The following POLE4 variants were observed in gnomAD, a reference collection of about 807,000 sequenced individuals.
The protein encoded by POLE4 is DNA polymerase epsilon subunit 4.
In POLE4, 15 loss-of-function variants were observed where a neutral mutation model predicts 15.6. That is an observed-to-expected ratio of 0.96 (90% confidence interval 0.64 to 1.48). The LOEUF is 1.48. Ranked by LOEUF, POLE4 falls within the 40% of genes most tolerant of loss-of-function variation. The probability of loss-of-function intolerance (pLI) is 0.00; values close to 1 mark genes in which losing one functional copy is unlikely to be tolerated. For missense variants in POLE4, 205 were observed against 151.9 expected (o/e 1.35, Z -1.84); for synonymous variants, 83 against 63.2 (o/e 1.31, Z -1.49).
intron 1 of POLE4, chr2:74,959,119 G>A (rs1671174236): frequency 3.3e-6 from 2 of 610,138 alleles, no homozygotes; most frequent in Non-Finnish European, 5.9e-6. Context: ...GTATCTCCAG[G>A]GCCTCGTACA....
Position 74,960,110 on chromosome 2 carries a change from G to A in POLE4, c.304G>A (p.Ala102Thr). The A allele has an allele frequency of 6.2e-7, 1 of 1,613,718 alleles. No individual in the cohort carries two copies. The highest frequency in any genetic ancestry group is 8.5e-7 in the Non-Finnish European group (1 of 1,179,654). The change falls in exon 3 of 4, where the codon GCA becomes ACA. Residue 102 changes from alanine to threonine, a missense_variant. Coordinates refer to ENST00000483063, the MANE Select transcript of POLE4 (RefSeq NM_019896.4). ...CTCTTTTCCTTGTGTTTCAGATAAT[G>A]CAATAGAAGCTGTGGATGAATTTGC... ...KTLQRRDLDN[A>T]IEAVDEFAFL...
At chr2:74,966,324 T>C (rs1253113458) in intron 3 of POLE4, among the ~76,000 whole-genome samples, 4 of 152,226 alleles carry the variant, frequency 2.6e-5, no homozygotes, top group Non-Finnish European at 5.9e-5. Flanking sequence ...TCAATCTACA[T>C]AAGGCATTTT....
chr2:74,959,327 T>G lies in POLE4; in HGVS notation c.214-14T>G. ...TAGAACCCATTACTAAAACTTTGCTTTTTTACTTCACAGGAACTGTTTGTG... is the reference window on the plus strand; with the variant it reads ...TAGAACCCATTACTAAAACTTTGCTGTTTTACTTCACAGGAACTGTTTGTG... On this transcript the variant is annotated splice_polypyrimidine_tract_variant and intron_variant, in intron 1 of 3. Coordinates refer to ENST00000483063, the MANE Select transcript of POLE4 (RefSeq NM_019896.4). 1.2e-6 allele frequency: 2 copies of G among 1,605,716 alleles called. No individual in the cohort carries two copies. Among genetic ancestry groups the G allele is most frequent in the Non-Finnish European group, 1.7e-6 (2 of 1,172,926 alleles).
chr2:74,962,332 C>G (rs1671231223), intron 3 of POLE4, among the ~76,000 whole-genome samples: 1 of 152,132 alleles, frequency 6.6e-6, no homozygotes, highest in African/African-American at 2.4e-5. Context: ...CTTTCTAGTT[C>G]ACATCTAGCT....
chr2:74,964,331 A>G (rs999716168), intron 3 of POLE4, among the ~76,000 whole-genome samples: 1 of 152,128 alleles, frequency 6.6e-6, no homozygotes, highest in Non-Finnish European at 1.5e-5. Context: ...TTGCATTTTC[A>G]TGTACATTTT....
At position 74,969,731 on chromosome 2, in the gene POLE4, C is replaced by G. The variant is rs1335089896; in HGVS notation, c.*309C>G. ...CAGAATAAAGGTTTTTGATCAACCTCAGTCCAGTGTGTTTTATAATCTCGC... is the reference window on the plus strand; with the variant it reads ...CAGAATAAAGGTTTTTGATCAACCTGAGTCCAGTGTGTTTTATAATCTCGC... On this transcript the variant is annotated 3_prime_UTR_variant, in exon 4 of 4. Coordinates refer to ENST00000483063, the MANE Select transcript of POLE4 (RefSeq NM_019896.4). 5.0e-6 allele frequency: 2 copies of G among 397,126 alleles called. No individual in the cohort carries two copies. Among genetic ancestry groups the G allele is most frequent in the Non-Finnish European group, 9.3e-6 (2 of 214,696 alleles). 24.6% of individuals were successfully genotyped at this position (397,126 alleles called of 1,614,324 possible). A position where few individuals can be genotyped will look rare whatever the true frequency, so the allele number is the denominator to read the frequency against.
At chr2:74,966,076 T>G (rs1270011222) in intron 3 of POLE4, among the ~76,000 whole-genome samples, 1 of 151,950 alleles carries the variant, frequency 6.6e-6, no homozygotes, top group Non-Finnish European at 1.5e-5. Context: ...ATTTTTGGCC[T>G]TCTTTTGGAT....
At chr2:74,969,248 C>T (rs1671334795) in intron 3 of POLE4, among the ~76,000 whole-genome samples, 161 bp from the exon 4 acceptor site, 1 of 152,146 alleles carries the variant, frequency 6.6e-6, no homozygotes, top group Non-Finnish European at 1.5e-5. Flanking sequence ...GACATGTTTT[C>T]CCTGGGGATA....
At chr2:74,959,953 A>T in intron 2 of POLE4, 152 bp from the exon 3 acceptor site, 1 of 664,614 alleles carries the variant, frequency 1.5e-6, no homozygotes, top group East Asian at 2.5e-5. Flanking sequence ...TTGCTGGTAG[A>T]GTAGATATGG....
intron 3 of POLE4, 89 bp from the exon 4 acceptor site, chr2:74,969,320 A>T (rs1228122650): frequency 1.7e-6 from 2 of 1,158,756 alleles, no homozygotes; most frequent in Non-Finnish European, 2.6e-6. Context: ...CCAATACCGG[A>T]GCCTCTTCTG....
chr2:74,968,388 T>G (rs1322046493), intron 3 of POLE4, among the ~76,000 whole-genome samples: 2 of 152,118 alleles, frequency 1.3e-5, no homozygotes. Context: ...TCATTCTATT[T>G]AAGAATAAGG....
intron 3 of POLE4, among the ~76,000 whole-genome samples, chr2:74,962,030 C>G (rs1671227248): frequency 6.6e-6 from 1 of 152,126 alleles, no homozygotes; most frequent in Admixed American, 6.5e-5. Context: ...TTGAGCTTTT[C>G]TGGTGGTTAC....
rs12366 is a variant in POLE4, at chr2:74,958,729, G to T, written c.50G>T (p.Gly17Val). ...AGCGGGACGCCCCGAGAGGAGGAGGGACCTGCTGGGGAGGCAGCGGCCTCG... is the reference window on the plus strand; with the variant it reads ...AGCGGGACGCCCCGAGAGGAGGAGGTACCTGCTGGGGAGGCAGCGGCCTCG... Reference protein sequence around the residue: ...AGSGTPREEEGPAGEAAASQP... With the variant: ...AGSGTPREEEVPAGEAAASQP... The change falls in exon 1 of 4, where the codon GGA (glycine) becomes GTA (valine). Residue 17 changes from glycine to valine, a missense_variant. Transcript: ENST00000483063. 0.38 allele frequency: 575,072 copies of T among 1,513,020 alleles called. 111,008 individuals are homozygous for T. The highest frequency in any genetic ancestry group is 0.52 in the Middle Eastern group (3,009 of 5,762). The allele number at this position is 1,513,020 out of a possible 1,614,324, so 93.7% of individuals were successfully genotyped here.
chr2:74,958,806 C>T lies in POLE4; in HGVS notation c.127C>T (p.Leu43=). Residue 43 remains leucine (L), a synonymous_variant, in exon 1 of 4, where the codon CTG becomes TTG. Coordinates refer to ENST00000483063, the MANE Select transcript of POLE4 (RefSeq NM_019896.4). The part of the protein sequence containing the change: ...VPGARLSRLP[L]ARVKALVKAD... ...TGGGGCTCGTCTCTCGAGGTTGCCTCTGGCGCGAGTGAAGGCCTTGGTGAA... is the reference window on the plus strand; with the variant it reads ...TGGGGCTCGTCTCTCGAGGTTGCCTTTGGCGCGAGTGAAGGCCTTGGTGAA... The T allele has an allele frequency of 6.4e-7, 1 of 1,554,898 alleles. No homozygotes were observed. Among genetic ancestry groups the T allele is most frequent in the South Asian group, 1.2e-5 (1 of 84,334 alleles).
At chr2:74,965,561 T>C (rs142260602) in intron 3 of POLE4, among the ~76,000 whole-genome samples, 2,626 of 152,342 alleles carry the variant, frequency 0.017, 36 homozygotes, top group Non-Finnish European at 0.029. Context: ...ATTTCTTCTG[T>C]CTGCTTATTT....
chr2:74,960,230 T>C, intron 3 of POLE4, 84 bp downstream of exon 3: 1 of 1,141,390 alleles, frequency 8.8e-7, no homozygotes, highest in Non-Finnish European at 1.3e-6. Flanking sequence ...AACGGATGCC[T>C]GCTTCTTGTT....
rs1017065670 is a variant in POLE4 at position 74,966,143 on chromosome 2, C to G, written c.341-3266C>G. On this transcript the variant is annotated intron_variant, in intron 3 of 3. Coordinates refer to ENST00000483063, the MANE Select transcript of POLE4 (RefSeq NM_019896.4). ...GGAAGTTATATGCTCTATTTCTATTCTTTTAGTGATTATCAGTTACTATGT... is the reference window on the plus strand; with the variant it reads ...GGAAGTTATATGCTCTATTTCTATTGTTTTAGTGATTATCAGTTACTATGT... Among the ~76,000 whole-genome samples, 3 of 146,554 alleles carry G rather than the reference C, an allele frequency of 2.0e-5. No homozygotes were observed. In the Admixed American group the frequency reaches 2.1e-4, roughly 10 times the overall value.
intron 2 of POLE4, 22 bp downstream of exon 2, chr2:74,959,447 T>C: frequency 6.6e-7 from 1 of 1,515,852 alleles, no homozygotes; most frequent in Non-Finnish European, 9.2e-7. Flanking sequence ...CTGCAGTGTC[T>C]GGGGACAGAC....
chr2:74,960,430 A>T (rs1303826209), intron 3 of POLE4, among the ~76,000 whole-genome samples: 7 of 152,172 alleles, frequency 4.6e-5, no homozygotes, highest in African/African-American at 1.7e-4. Flanking sequence ...TCCTACTTTG[A>T]TCGCCATCCC....
Sources: gnomAD v4.1 joint callset for allele counts (sites outside exome capture counted in the v4.1 genomes callset) on GRCh38, gnomAD v4.1.1 for gene constraint, MANE v1.5 for transcripts, NCBI Gene and HGNC (gene_info 2026-07-23, HGNC 2026-07-21) for gene names.